Variants in MROH2B observed in about 807,000 individuals in gnomAD.
MROH2B encodes maestro heat like repeat family member 2B.
In MROH2B, 177 loss-of-function variants were observed where a neutral mutation model predicts 208.6. That is an observed-to-expected ratio of 0.85 (90% CI 0.75 to 0.96). The LOEUF is 0.96. Among genes scored for constraint, MROH2B ranks in the 40% least tolerant of loss-of-function variants. The pLI is 0.00. For missense variants in MROH2B, 2,002 were observed against 1,878.7 expected, an observed-to-expected ratio of 1.07 and a Z score of -1.21; for synonymous variants, 728 against 659.0, an observed-to-expected ratio of 1.10 and a Z score of -1.60.
At chr5:41,015,282 C>G in intron 29 of MROH2B, 99 bp downstream of exon 29, 1 of 1,068,300 alleles carries the variant, frequency 9.4e-7, no homozygotes, top group Non-Finnish European at 1.4e-6. Context: ...CCTCATTCAG[C>G]TTGAATATCT....
At chr5:41,070,750 T>G in intron 1 of MROH2B, 75 bp downstream of exon 1, 1 of 1,496,774 alleles carries the variant, frequency 6.7e-7, no homozygotes, top group Non-Finnish European at 9.2e-7. Flanking sequence ...CTCCCAGCCC[T>G]CATATATACT....
chr5:41,052,180 G>A (rs1255546434), intron 12 of MROH2B, among the ~76,000 whole-genome samples: 2 of 140,918 alleles, frequency 1.4e-5, no homozygotes, highest in Non-Finnish European at 3.0e-5. Flanking sequence ...AACCTATCTT[G>A]TGTTTATTAT....
In MROH2B at chr5:40,998,597, T is replaced by C; in HGVS notation, c.4651+15A>G. On this transcript the variant is annotated intron_variant, in intron 41 of 41. Transcript: ENST00000399564. Reference sequence around the variant, plus strand: ...ATGTAACAATATGCTGGGAAGAAACTAGGTTGGTACTCACGTGTGGTCAGT... The same window carrying C: ...ATGTAACAATATGCTGGGAAGAAACCAGGTTGGTACTCACGTGTGGTCAGT... The C allele has an allele frequency of 1.9e-6, 3 of 1,580,770 alleles. No individual in the cohort carries two copies. Among genetic ancestry groups the C allele is most frequent in the Non-Finnish European group, 2.6e-6 (3 of 1,159,088 alleles).
At chr5:41,020,965 T>C (rs1350048483) in intron 24 of MROH2B, among the ~76,000 whole-genome samples, 1 of 152,010 alleles carries the variant, frequency 6.6e-6, no homozygotes, top group East Asian at 1.9e-4. Context: ...CAAGGAAAAA[T>C]TAAAAAGGTA....
chr5:41,069,664 A>G (rs1479217504), intron 2 of MROH2B, 27 bp downstream of exon 2: 39 of 1,558,596 alleles, frequency 2.5e-5, no homozygotes, highest in Non-Finnish European at 3.4e-5. Flanking sequence ...TGAAAAAGGG[A>G]AAAAGATTTT....
chr5:41,055,776 G>C lies in MROH2B; in HGVS notation c.999C>G (p.Ile333Met). The C allele has an allele frequency of 1.2e-6, 2 of 1,613,772 alleles. No individual in the cohort carries two copies. The highest frequency in any genetic ancestry group is 1.1e-5 in the South Asian group (1 of 91,064). Residue 333 changes from isoleucine to methionine, a missense_variant, in exon 10 of 42, where the codon ATC becomes ATG. By Grantham distance (10) the Ile-to-Met change is conservative (BLOSUM62 1). Transcript: ENST00000399564. ...TGACAGCCAATCTTAACAAAGTCAAGATTCCCACTCGAATGGCTTCATTAT... is the reference window on the plus strand; with the variant it reads ...TGACAGCCAATCTTAACAAAGTCAACATTCCCACTCGAATGGCTTCATTAT... ...RSNNEAIRVGILTLLRLAVNA... is the reference protein window; with the variant it reads ...RSNNEAIRVGMLTLLRLAVNA...
chr5:41,036,174 T>C (rs1003414994), intron 21 of MROH2B, among the ~76,000 whole-genome samples: 7 of 151,872 alleles, frequency 4.6e-5, no homozygotes, highest in Non-Finnish European at 2.9e-5. Context: ...TACATAGATA[T>C]GGTTTGGCTG....
intron 19 of MROH2B, among the ~76,000 whole-genome samples, chr5:41,040,679 T>C (rs976164081): frequency 6.6e-6 from 1 of 152,152 alleles, no homozygotes; most frequent in African/African-American, 2.4e-5. Flanking sequence ...ATTTTTTTTA[T>C]TTTTTGAGAT....
intron 21 of MROH2B, among the ~76,000 whole-genome samples, chr5:41,036,534 T>TA (rs1175534114): frequency 6.6e-6 from 1 of 152,062 alleles, no homozygotes; most frequent in Non-Finnish European, 1.5e-5. Flanking sequence ...TATGCAGCCA[T>TA]AAAAAATAAT....
rs761868966 is a variant in MROH2B, at chr5:41,049,334, TCTC to T, written c.1444_1446del (p.Glu482del). On this transcript the variant is annotated inframe_deletion, in exon 14 of 42. Transcript: ENST00000399564. ...GACTCCTTGGCACTGTGCTGCTTCT[TCTC>T]CTCTGCCATAATCAGAATTCTGATG... The T allele has an allele frequency of 1.2e-5, 19 of 1,613,758 alleles. No individual in the cohort carries two copies. The highest frequency in any genetic ancestry group is 5.0e-5 in the Admixed American group (3 of 59,936).
At chr5:41,021,262 C>G (rs1411006274) in intron 24 of MROH2B, among the ~76,000 whole-genome samples, 1 of 152,124 alleles carries the variant, frequency 6.6e-6, no homozygotes, top group Admixed American at 6.5e-5. Flanking sequence ...CAGAAACACA[C>G]TAAACATTGT....
At position 41,050,967 on chromosome 5, in the gene MROH2B, G is replaced by T; in HGVS notation, c.1344+10C>A. 6.5e-7 allele frequency: 1 copy of T among 1,540,138 alleles called. No homozygotes were observed. Among genetic ancestry groups the T allele is most frequent in the African/African-American group, 1.4e-5 (1 of 71,314 alleles). On this transcript the variant is annotated intron_variant, in intron 13 of 41. Coordinates refer to ENST00000399564, the MANE Select transcript of MROH2B (RefSeq NM_173489.5). ...AAAGTAACTGTAAGTGGTGACAAAAGACCACTTACCTGAGGCATTCCAATG... is the reference window on the plus strand; with the variant it reads ...AAAGTAACTGTAAGTGGTGACAAAATACCACTTACCTGAGGCATTCCAATG...
At chr5:41,032,422 T>C (rs929527906) in intron 24 of MROH2B, among the ~76,000 whole-genome samples, 1 of 152,126 alleles carries the variant, frequency 6.6e-6, no homozygotes, top group African/African-American at 2.4e-5. Flanking sequence ...AAGATTTTAA[T>C]TGAAAGATTA....
intron 5 of MROH2B, among the ~76,000 whole-genome samples, chr5:41,063,905 G>A (rs1743718213): frequency 1.3e-5 from 2 of 152,234 alleles, no homozygotes; most frequent in East Asian, 1.9e-4. Flanking sequence ...TTTCAGTTTG[G>A]GGTAGAGGAG....
At chr5:41,003,513 C>T (rs1741473033) in intron 37 of MROH2B, among the ~76,000 whole-genome samples, 1 of 152,014 alleles carries the variant, frequency 6.6e-6, no homozygotes, top group Non-Finnish European at 1.5e-5. Context: ...GTAATATATC[C>T]TTAGATTCTA....
Position 41,051,036 on chromosome 5 carries a change from G to T in MROH2B, c.1285C>A (p.Arg429=). The T allele has an allele frequency of 6.4e-7, 1 of 1,563,248 alleles. No homozygotes were observed. Among genetic ancestry groups the T allele is most frequent in the East Asian group, 2.4e-5 (1 of 41,732 alleles). The change falls in exon 13 of 42, where the codon CGA becomes AGA. Residue 429 remains arginine, a synonymous_variant. Coordinates refer to ENST00000399564, the MANE Select transcript of MROH2B (RefSeq NM_173489.5). The part of the protein sequence containing the change: ...HENEKEEESV[R]ETSLEVLKTL... ...TTTAAGACCTCAAGGCTTGTTTCTC[G>T]GACAGATTCCTCTTCCTTTTCATTC... is the stretch of plus-strand genomic sequence containing the variant.
intron 22 of MROH2B, among the ~76,000 whole-genome samples, 173 bp from the exon 23 acceptor site, chr5:41,033,333 G>A (rs1742640231): frequency 6.6e-6 from 1 of 151,986 alleles, no homozygotes; most frequent in African/African-American, 2.4e-5. Flanking sequence ...AGAAACAAAT[G>A]CCATTTTTCC....
rs1294178538 is a variant in MROH2B, at chr5:41,069,881, C to T, written c.29-129G>A. Reference sequence around the variant, plus strand: ...TCTCTCTCTCTCCCTTGACTGCTAGCTCTTTGATGGCAGGAACTGTTTTAT... The same window carrying T: ...TCTCTCTCTCTCCCTTGACTGCTAGTTCTTTGATGGCAGGAACTGTTTTAT... On this transcript the variant is annotated intron_variant, in intron 1 of 41. Transcript: ENST00000399564. 23 of 666,768 alleles carry T rather than the reference C, an allele frequency of 3.4e-5. No individual in the cohort carries two copies. In the Admixed American group the frequency reaches 6.2e-4, roughly 18 times the overall value. 41.3% of individuals were successfully genotyped at this position (666,768 alleles called of 1,614,324 possible).
At chr5:41,019,330 T>TTG (rs912658128) in intron 24 of MROH2B, among the ~76,000 whole-genome samples, 1 of 66,536 alleles carries the variant, frequency 1.5e-5, no homozygotes, top group Non-Finnish European at 3.1e-5. Context: ...TTTCTCCATC[T>TTG]TGTGTGTGTG....
Sources: gnomAD v4.1 joint callset for allele counts (sites outside exome capture counted in the v4.1 genomes callset) on GRCh38, gnomAD v4.1.1 for gene constraint, MANE v1.5 for transcripts, NCBI Gene and HGNC (gene_info 2026-07-23, HGNC 2026-07-21) for gene names.